SYNE2: variants seen among roughly 807,000 people sequenced by gnomAD.
The protein encoded by SYNE2 is nesprin-2.
A neutral mutation model predicts 856.3 loss-of-function variants in SYNE2; 431 were observed. The ratio of observed to expected loss-of-function variants is 0.50; its 90% CI spans 0.47 to 0.55. The LOEUF (loss-of-function observed/expected upper bound fraction) is 0.55. Among genes scored for constraint, SYNE2 ranks in the 20% least tolerant of loss-of-function variants. SYNE2 has a pLI of 0.00. For missense variants in SYNE2, 8,129 were observed against 8,023.2 expected (o/e 1.01, Z -0.50); for synonymous variants, 2,923 against 2,872.3 (o/e 1.02, Z -0.56).
Position 64,211,135 on chromosome 14 carries a change from C to T in SYNE2, c.18724-826C>T, listed in dbSNP as rs912969637. 3.3e-5 allele frequency among the ~76,000 whole-genome samples: 5 copies of T among 152,178 alleles called. No homozygotes were observed. In the East Asian group the frequency reaches 7.7e-4, roughly 23 times the overall value. ...TAACTAGGATTACCGGCGTGCATCA[C>T]TGTGCCTGGCTGATTTTAATTTTTG... On this transcript the variant is annotated intron_variant, in intron 103 of 115. Coordinates refer to ENST00000555002, the MANE Select transcript of SYNE2 (RefSeq NM_182914.3).
intron 2 of SYNE2, among the ~76,000 whole-genome samples, chr14:63,923,847 G>C (rs2095629033): frequency 6.6e-6 from 1 of 151,340 alleles, no homozygotes; most frequent in South Asian, 2.1e-4. Context: ...CACCCAGGCT[G>C]GAGTGCAGTG....
intron 1 of SYNE2, among the ~76,000 whole-genome samples, chr14:63,884,466 G>A (rs985341037): frequency 2.0e-5 from 3 of 152,152 alleles, no homozygotes; most frequent in African/African-American, 7.2e-5. Context: ...GGTACTGTAA[G>A]GAGCTTAGGT....
intron 1 of SYNE2, 45 bp downstream of exon 1, chr14:63,853,188 G>T: frequency 6.6e-6 from 1 of 151,742 alleles, no homozygotes; most frequent in Non-Finnish European, 1.5e-5. Context: ...GGTGCGCCCC[G>T]GAGAGAGTGG....
intron 1 of SYNE2, among the ~76,000 whole-genome samples, chr14:63,762,848 AT>A: frequency 2.0e-5 from 3 of 152,298 alleles, no homozygotes; most frequent in African/African-American, 7.2e-5. Flanking sequence ...AAAAATGCAA[AT>A]TTGTAGAATG....
chr14:63,977,825 A>C, intron 12 of SYNE2, 80 bp from the exon 13 acceptor site: 1 of 966,760 alleles, frequency 1.0e-6, no homozygotes, highest in Non-Finnish European at 1.7e-6. Context: ...AAAAAGATGT[A>C]ATGCAAGTGA....
intron 1 of SYNE2, among the ~76,000 whole-genome samples, chr14:63,865,731 AAAG>A (rs1895108410): frequency 7.2e-6 from 1 of 139,276 alleles, no homozygotes; most frequent in African/African-American, 2.7e-5. Flanking sequence ...CCCCAAAAAA[AAAG>A]AAAAGAAAAA....
chr14:63,771,230 C>A (rs889782195), intron 1 of SYNE2, among the ~76,000 whole-genome samples: 1 of 150,822 alleles, frequency 6.6e-6, no homozygotes, highest in Non-Finnish European at 1.5e-5. Context: ...CCATCACGCC[C>A]GGCTATTTTT....
intron 70 of SYNE2, among the ~76,000 whole-genome samples, chr14:64,124,291 C>G (rs567492745): frequency 1.3e-5 from 2 of 152,038 alleles, no homozygotes; most frequent in African/African-American, 4.8e-5. Flanking sequence ...CTCCTGGGCT[C>G]AAACGATCTC....
Position 64,003,163 on chromosome 14 carries a change from A to G in SYNE2, c.4230A>G (p.Leu1410=), listed in dbSNP as rs781412048. 1.9e-6 allele frequency: 3 copies of G among 1,614,092 alleles called. No individual in the cohort carries two copies. The highest frequency in any genetic ancestry group is 4.5e-5 in the East Asian group (2 of 44,900). Residue 1410 remains leucine, a synonymous_variant, in exon 30 of 116, where the codon TTA becomes TTG. Coordinates refer to ENST00000555002, the MANE Select transcript of SYNE2 (RefSeq NM_182914.3). ...TGCTTGATGCTTTTTCAATAAAGTT[A>G]TCTGAGACACATGGCTATGGGGTAC... ...ENLLDAFSIK[L]SETHGYGVQE... is the part of the protein sequence containing the mutation.
At chr14:64,100,056 A>G (rs1458820963) in intron 63 of SYNE2, 1 of 152,084 alleles carries the variant, frequency 6.6e-6, no homozygotes, top group Non-Finnish European at 1.5e-5. Flanking sequence ...CATTATTCAC[A>G]ATAGCAAAGA....
At chr14:63,963,800 G>C (rs1037123876) in intron 9 of SYNE2, 99 bp from the exon 10 acceptor site, 1 of 755,204 alleles carries the variant, frequency 1.3e-6, no homozygotes. Flanking sequence ...GGTGTGTAAT[G>C]ATGGCATTAT....
chr14:64,188,394 G>A (rs1396305742), intron 97 of SYNE2, among the ~76,000 whole-genome samples, 156 bp from the exon 98 acceptor site: 1 of 152,282 alleles, frequency 6.6e-6, no homozygotes. Flanking sequence ...AACTTCTGTT[G>A]ATGCTAAACC....
Position 64,052,354 on chromosome 14 carries a change from A to C in SYNE2, c.8441A>C (p.Gln2814Pro), listed in dbSNP as rs1233331970. 1 of 1,614,194 alleles carries C rather than the reference A, an allele frequency of 6.2e-7. No homozygotes were observed. The highest frequency in any genetic ancestry group is 8.5e-7 in the Non-Finnish European group (1 of 1,180,036). The change falls in exon 48 of 116, where the codon CAA (glutamine) becomes CCA (proline). Residue 2814 changes from glutamine to proline, a missense_variant. Coordinates refer to ENST00000555002, the MANE Select transcript of SYNE2 (RefSeq NM_182914.3). ...AATACCCTAGAGGACTTACGGAATC[A>C]ATACCAAATGCTGGTTTTAAAATCA... ...LNNTLEDLRNQYQMLVLKSTQ... is the reference protein window; with the variant it reads ...LNNTLEDLRNPYQMLVLKSTQ...
At chr14:63,870,701 A>G (rs1459549991) in intron 1 of SYNE2, among the ~76,000 whole-genome samples, 3 of 150,362 alleles carry the variant, frequency 2.0e-5, no homozygotes, top group African/African-American at 7.4e-5. Flanking sequence ...CCTCTAGTAT[A>G]TGGCAAAGCT....
At chr14:63,863,905 A>G (rs997218391) in intron 1 of SYNE2, among the ~76,000 whole-genome samples, 19 of 152,014 alleles carry the variant, frequency 1.2e-4, no homozygotes, top group African/African-American at 3.4e-4. Flanking sequence ...GCTCACTGCA[A>G]CCTCCACCTC....
chr14:64,189,158 AC>A, intron 98 of SYNE2: 1 of 588,628 alleles, frequency 1.7e-6, no homozygotes, highest in South Asian at 2.1e-5. Context: ...ACATGGTGAA[AC>A]CTCGTCTCTA....
intron 88 of SYNE2, 124 bp from the exon 89 acceptor site, chr14:64,163,278 A>G: frequency 9.0e-7 from 1 of 1,112,378 alleles, no homozygotes; most frequent in Non-Finnish European, 1.3e-6. Flanking sequence ...AATAAATAAT[A>G]ACAAAAGATC....
chr14:64,216,008 C>T (rs2098664718), intron 107 of SYNE2: 1 of 1,439,870 alleles, frequency 6.9e-7, no homozygotes, highest in Non-Finnish European at 9.2e-7. Context: ...CAAAACGCCA[C>T]TCATCCCACA....
chr14:63,977,626 G>A (rs1341962557), intron 12 of SYNE2, among the ~76,000 whole-genome samples: 1 of 152,072 alleles, frequency 6.6e-6, no homozygotes, highest in African/African-American at 2.4e-5. Context: ...TGGGTATTGT[G>A]CTCTGCATCT....
Sources: allele counts gnomAD v4.1 joint callset (sites outside exome capture counted in the v4.1 genomes callset), GRCh38; gene constraint gnomAD v4.1.1; transcripts MANE v1.5; gene names NCBI Gene and HGNC (gene_info 2026-07-23, HGNC 2026-07-21).